The following APOLD1 variants were observed in gnomAD, a reference collection of about 807,000 sequenced individuals.
APOLD1 encodes apolipoprotein L domain-containing protein 1.
Under a neutral mutation model 15.3 loss-of-function variants are expected in APOLD1, and 22 were observed. The ratio of observed to expected loss-of-function variants is 1.44; its 90% confidence interval spans 1.03 to 2.05. The LOEUF (loss-of-function observed/expected upper bound fraction) is 2.05, where lower values mean the gene tolerates loss of function less well. Among genes scored for constraint, APOLD1 ranks in the 30% most tolerant of loss-of-function variants. The probability of loss-of-function intolerance (pLI) is 0.00; values close to 1 mark genes in which losing one functional copy is unlikely to be tolerated. For missense variants in APOLD1, 394 were observed against 353.5 expected, an observed-to-expected ratio of 1.11 and a Z score of -0.92; for synonymous variants, 190 against 167.4, an observed-to-expected ratio of 1.13 and a Z score of -1.04.
chr12:12,787,907 TC>T lies in APOLD1; in HGVS notation c.*256del, dbSNP rs1947146804. On this transcript the variant is annotated 3_prime_UTR_variant, in exon 2 of 2. Transcript: ENST00000356591. The surrounding 1 kb of genome is among the most constrained non-coding windows in gnomAD (Gnocchi z 4.9). Reference sequence around the variant, plus strand: ...TGACCCAAAAACTCTTTTTCCTTTATCAAAAACTTTCTGTCTAAACACAGCT... The same window carrying T: ...TGACCCAAAAACTCTTTTTCCTTTATAAAAACTTTCTGTCTAAACACAGCT... 3 of 478,054 alleles carry T rather than the reference TC, an allele frequency of 6.3e-6. No individual in the cohort carries two copies. Among genetic ancestry groups the T allele is most frequent in the African/African-American group, 4.0e-5 (2 of 50,402 alleles). 29.6% of individuals were successfully genotyped at this position (478,054 alleles called of 1,614,324 possible).
chr12:12,742,100 A>G (rs992595490), intron 1 of APOLD1, among the ~76,000 whole-genome samples: 14 of 152,236 alleles, frequency 9.2e-5, no homozygotes, highest in African/African-American at 3.4e-4. Context: ...TGTTTCATTA[A>G]AAACAAGAAC....
chr12:12,726,156 CAAAAAAAAAA>C (rs745785485), intron 1 of APOLD1: 140 of 113,562 alleles, frequency 1.2e-3, no homozygotes, highest in East Asian at 7.3e-3. Context: ...TCTTCGCAAC[CAAAAAAAAAA>C]AAAAAAAAAA....
chr12:12,755,359 GT>G (rs1226172494), intron 1 of APOLD1, among the ~76,000 whole-genome samples: 1 of 152,092 alleles, frequency 6.6e-6, no homozygotes, highest in Non-Finnish European at 1.5e-5. Context: ...ATGGTCTTGC[GT>G]AGGGCAAAAG....
At chr12:12,731,925 A>G (rs1946644254) in intron 1 of APOLD1, among the ~76,000 whole-genome samples, 1 of 152,216 alleles carries the variant, frequency 6.6e-6, no homozygotes. Flanking sequence ...AAATAATGTT[A>G]TCTTTAGCTT....
intron 1 of APOLD1, among the ~76,000 whole-genome samples, chr12:12,733,567 G>C (rs1029163529): frequency 1.3e-5 from 2 of 152,182 alleles, no homozygotes; most frequent in African/African-American, 4.8e-5. Context: ...TTTAACAGTA[G>C]ATTTTAACAA....
chr12:12,743,299 G>C (rs1946741633), intron 1 of APOLD1, among the ~76,000 whole-genome samples: 1 of 152,158 alleles, frequency 6.6e-6, no homozygotes, highest in East Asian at 1.9e-4. Context: ...ACGAGGCTGA[G>C]ATGGAGAATC....
At chr12:12,759,590 C>T (rs1384183896) in intron 1 of APOLD1, among the ~76,000 whole-genome samples, 1 of 152,162 alleles carries the variant, frequency 6.6e-6, no homozygotes, top group Non-Finnish European at 1.5e-5. Context: ...CGGCATTTAT[C>T]GCACTTCCTA....
chr12:12,762,029 G>T (rs1368207033), intron 1 of APOLD1, among the ~76,000 whole-genome samples: 1 of 151,984 alleles, frequency 6.6e-6, no homozygotes, highest in Non-Finnish European at 1.5e-5. Context: ...TTTTTGTAGA[G>T]GTGGGATCTT....
chr12:12,763,450 C>T (rs530192722), intron 1 of APOLD1, among the ~76,000 whole-genome samples: 1 of 151,926 alleles, frequency 6.6e-6, no homozygotes, highest in Admixed American at 6.6e-5. Flanking sequence ...ATATAGTTGG[C>T]TTTTGTTATC....
In APOLD1 at chr12:12,787,916, TTC is replaced by T; in HGVS notation, c.*266_*267del. 1 of 456,156 alleles carries T rather than the reference TTC, an allele frequency of 2.2e-6. No homozygotes were observed. Among genetic ancestry groups the T allele is most frequent in the Non-Finnish European group, 3.8e-6 (1 of 260,716 alleles). The allele number at this position is 456,156 out of a possible 1,614,324, so 28.3% of individuals were successfully genotyped here. ...AACTCTTTTTCCTTTATCAAAAACTTTCTGTCTAAACACAGCTGGGCAGGCAC... is the reference window on the plus strand; with the variant it reads ...AACTCTTTTTCCTTTATCAAAAACTTTGTCTAAACACAGCTGGGCAGGCAC... On this transcript the variant is annotated 3_prime_UTR_variant, in exon 2 of 2. Coordinates refer to ENST00000356591, the MANE Select transcript of APOLD1 (RefSeq NM_030817.3). The surrounding 1 kb of genome is among the most constrained non-coding windows in gnomAD (Gnocchi z 4.9).
chr12:12,755,326 C>CAA (rs200635120), intron 1 of APOLD1, among the ~76,000 whole-genome samples: 1 of 147,274 alleles, frequency 6.8e-6, no homozygotes. Flanking sequence ...CAATTTTTAG[C>CAA]AAAAAAAAAG....
At chr12:12,763,522 G>C (rs567248277) in intron 1 of APOLD1, among the ~76,000 whole-genome samples, 32 of 151,194 alleles carry the variant, frequency 2.1e-4, no homozygotes, top group African/African-American at 6.1e-4. Flanking sequence ...TGTGGGGGGG[G>C]GGAAAACAAT....
intron 1 of APOLD1, among the ~76,000 whole-genome samples, chr12:12,775,236 G>C (rs972520103): frequency 6.6e-6 from 1 of 152,202 alleles, no homozygotes; most frequent in Non-Finnish European, 1.5e-5. Flanking sequence ...TGACATTCTG[G>C]AAAAGATAAA....
intron 1 of APOLD1, among the ~76,000 whole-genome samples, chr12:12,768,478 AAAAACAAAAC>A (rs1410493268): frequency 2.0e-5 from 3 of 152,000 alleles, no homozygotes; most frequent in African/African-American, 4.8e-5. Context: ...ACAGAAAATT[AAAAACAAAAC>A]AAAACAAAAC....
chr12:12,750,484 T>C (rs1238506225), intron 1 of APOLD1, among the ~76,000 whole-genome samples: 1 of 152,166 alleles, frequency 6.6e-6, no homozygotes, highest in Non-Finnish European at 1.5e-5. Context: ...TTCTTTTATC[T>C]TTAATGTCTC....
rs532908816 is a variant in APOLD1, at chr12:12,775,037, T to A, written c.97-11872T>A. Among the ~76,000 whole-genome samples, 7 of 152,302 alleles carry A rather than the reference T, an allele frequency of 4.6e-5. No homozygotes were observed. The East Asian group carries it at 9.6e-4, about 21-fold the overall frequency. ...CAGCTTTATTTGTGATTGCCAAACA[T>A]CAGAAGCAACCAAGATGTTCTTCAG... On this transcript the variant is annotated intron_variant, in intron 1 of 1. Coordinates refer to the APOLD1 transcript ENST00000326765.
intron 1 of APOLD1, among the ~76,000 whole-genome samples, chr12:12,746,987 G>A (rs1487313760): frequency 3.3e-5 from 5 of 152,054 alleles, no homozygotes; most frequent in Non-Finnish European, 7.4e-5. Flanking sequence ...TCTTTTTTAT[G>A]GCTGCATATT....
intron 1 of APOLD1, among the ~76,000 whole-genome samples, chr12:12,763,357 T>A (rs1209595824): frequency 6.6e-6 from 1 of 152,150 alleles, no homozygotes; most frequent in African/African-American, 2.4e-5. Flanking sequence ...GGACACCCTG[T>A]GAATTCCAAA....
chr12:12,737,655 G>T (rs1352029617), intron 1 of APOLD1, among the ~76,000 whole-genome samples: 1 of 152,106 alleles, frequency 6.6e-6, no homozygotes, highest in East Asian at 1.9e-4. Context: ...ACACTCAAGA[G>T]AGAGTACTGA....
Sources: gnomAD v4.1 joint callset for allele counts (sites outside exome capture counted in the v4.1 genomes callset) on GRCh38, gnomAD v4.1.1 for gene constraint, Gnocchi (gnomAD v3.1) non-coding constraint, MANE v1.5 for transcripts, NCBI Gene and HGNC (gene_info 2026-07-23, HGNC 2026-07-21) for gene names.